BCKDHB: variants seen among roughly 807,000 people sequenced by gnomAD.
BCKDHB encodes 2-oxoisovalerate dehydrogenase subunit beta, mitochondrial.
A neutral mutation model predicts 48.5 loss-of-function variants in BCKDHB; 41 were observed. The observed-to-expected ratio is 0.85, with a 90% CI of 0.66 to 1.10. The LOEUF is 1.10. Among genes scored for constraint, BCKDHB ranks in the 50% least tolerant of loss-of-function variants. The pLI is 0.00. For synonymous variants in BCKDHB, 201 were observed against 174.8 expected, an observed-to-expected ratio of 1.15 and a Z score of -1.18; for missense variants, 496 against 494.2, an observed-to-expected ratio of 1.00 and a Z score of -0.03.
intron 6 of BCKDHB, among the ~76,000 whole-genome samples, chr6:80,198,812 A>G (rs1025623857): frequency 1.3e-5 from 2 of 152,198 alleles, no homozygotes; most frequent in African/African-American, 4.8e-5. Context: ...AGCAAATGAA[A>G]TCAACTCTCC....
intron 3 of BCKDHB, among the ~76,000 whole-genome samples, chr6:80,153,182 G>A (rs971062995): frequency 6.6e-6 from 1 of 152,082 alleles, no homozygotes; most frequent in Non-Finnish European, 1.5e-5. Context: ...CCTGTTTATA[G>A]CCTCCCTCTG....
intron 9 of BCKDHB, among the ~76,000 whole-genome samples, chr6:80,306,011 T>C (rs1044901818): frequency 1.3e-5 from 2 of 152,184 alleles, no homozygotes; most frequent in African/African-American, 4.8e-5. Context: ...TTTTCTCATC[T>C]GGAAAATGGA....
At chr6:80,406,228 A>T in the BCKDHB span, among the ~76,000 whole-genome samples, 4 of 152,192 alleles carry the variant, frequency 2.6e-5, no homozygotes, top group Non-Finnish European at 5.9e-5. Flanking sequence ...TCTATCATTG[A>T]TGGACATTTG....
chr6:80,387,196 A>T, the BCKDHB span, among the ~76,000 whole-genome samples: 1 of 152,174 alleles, frequency 6.6e-6, no homozygotes, highest in Non-Finnish European at 1.5e-5. Context: ...CAGTGGGTCC[A>T]GTGGGTTCCT....
chr6:80,121,534 T>G (rs1770017212), intron 1 of BCKDHB, among the ~76,000 whole-genome samples: 1 of 152,206 alleles, frequency 6.6e-6, no homozygotes, highest in Non-Finnish European at 1.5e-5. Flanking sequence ...CTCTTTTATT[T>G]TGTTGAGCAG....
chr6:80,309,189 G>A (rs374458150), intron 9 of BCKDHB, among the ~76,000 whole-genome samples: 31 of 151,598 alleles, frequency 2.0e-4, no homozygotes, highest in African/African-American at 6.5e-4. Flanking sequence ...TCAGCCTCCC[G>A]AATAGCTGGG....
At chr6:80,193,497 T>A (rs1773994375) in intron 6 of BCKDHB, among the ~76,000 whole-genome samples, 1 of 152,104 alleles carries the variant, frequency 6.6e-6, no homozygotes, top group Non-Finnish European at 1.5e-5. Context: ...GGCTGACGAA[T>A]CACCTGAGGT....
At chr6:80,237,369 A>G (rs528131562) in intron 8 of BCKDHB, among the ~76,000 whole-genome samples, 2 of 152,316 alleles carry the variant, frequency 1.3e-5, no homozygotes, top group Non-Finnish European at 2.9e-5. Context: ...TAAACCTGCA[A>G]CTTAAAGATT....
At chr6:80,170,188 A>ACC (rs1772832907) in intron 5 of BCKDHB, among the ~76,000 whole-genome samples, 2 of 152,166 alleles carry the variant, frequency 1.3e-5, no homozygotes, top group African/African-American at 4.8e-5. Flanking sequence ...GAGGTCCAGA[A>ACC]CAGAAAATAA....
intron 6 of BCKDHB, among the ~76,000 whole-genome samples, chr6:80,183,951 A>G (rs983140616): frequency 1.7e-4 from 26 of 152,048 alleles, no homozygotes; most frequent in African/African-American, 5.6e-4. Context: ...ATAATACTCC[A>G]TTGTTTGGAA....
intron 3 of BCKDHB, among the ~76,000 whole-genome samples, chr6:80,158,774 G>T (rs1001737860): frequency 1.3e-5 from 2 of 152,134 alleles, no homozygotes; most frequent in Non-Finnish European, 2.9e-5. Flanking sequence ...GACCCTAAAG[G>T]GTGTGATAGC....
the BCKDHB span, among the ~76,000 whole-genome samples, chr6:80,397,305 T>TTTTTTAG: frequency 6.6e-6 from 1 of 152,298 alleles, no homozygotes; most frequent in South Asian, 2.1e-4. Flanking sequence ...ACCAGCTCTG[T>TTTTTTAG]TTTTTAGTTT....
intron 6 of BCKDHB, among the ~76,000 whole-genome samples, chr6:80,182,459 A>G (rs190854940): frequency 7.9e-5 from 12 of 152,284 alleles, no homozygotes; most frequent in African/African-American, 2.4e-4. Context: ...TACATTCTCA[A>G]TGACTAAGCT....
intron 8 of BCKDHB, chr6:80,251,788 G>A (rs1776850075): frequency 6.6e-6 from 1 of 152,132 alleles, no homozygotes; most frequent in Admixed American, 6.6e-5. Context: ...CAAGGTAATG[G>A]TAGGGATTTA....
At chr6:80,430,657 GCA>G in the BCKDHB span, among the ~76,000 whole-genome samples, 1 of 152,108 alleles carries the variant, frequency 6.6e-6, no homozygotes, top group Non-Finnish European at 1.5e-5. Context: ...TGTGGGATCA[GCA>G]GTGATATCCC....
chr6:80,152,626 A>G (rs969375513), intron 3 of BCKDHB, among the ~76,000 whole-genome samples: 5 of 152,184 alleles, frequency 3.3e-5, no homozygotes, highest in African/African-American at 1.2e-4. Context: ...CACATTGAGC[A>G]TGCACGGAAG....
chr6:80,141,345 C>G (rs539486323), intron 3 of BCKDHB, among the ~76,000 whole-genome samples: 2 of 152,124 alleles, frequency 1.3e-5, no homozygotes, highest in South Asian at 2.1e-4. Flanking sequence ...AAATAAGAGG[C>G]TAGCGATCAG....
At chr6:80,368,389 A>G in the BCKDHB span, among the ~76,000 whole-genome samples, 500 of 152,340 alleles carry the variant, frequency 3.3e-3, 3 homozygotes, top group Admixed American at 4.7e-3. Context: ...GCCTGCAGTT[A>G]CAATTTGTAA....
At chr6:80,259,409 T>C (rs1331728806) in intron 8 of BCKDHB, among the ~76,000 whole-genome samples, 1 of 152,184 alleles carries the variant, frequency 6.6e-6, no homozygotes, top group Non-Finnish European at 1.5e-5. Context: ...GCAATAACAT[T>C]GAAAGCTATG....
Sources: allele counts gnomAD v4.1 joint callset (sites outside exome capture counted in the v4.1 genomes callset), GRCh38; gene constraint gnomAD v4.1.1; transcripts MANE v1.5; gene names NCBI Gene and HGNC (gene_info 2026-07-23, HGNC 2026-07-21).